The following ZNHIT3 variants were observed in gnomAD, a reference collection of about 807,000 sequenced individuals.
The protein encoded by ZNHIT3 is zinc finger HIT domain-containing protein 3.
Under a neutral mutation model 19.9 loss-of-function variants are expected in ZNHIT3, and 27 were observed. The ratio of observed to expected loss-of-function variants is 1.36; its 90% CI spans 1.00 to 1.87. The LOEUF is 1.87. Among genes scored for constraint, ZNHIT3 ranks in the 40% most tolerant of loss-of-function variants. ZNHIT3 has a pLI of 0.00. For missense variants in ZNHIT3, 215 were observed against 185.6 expected (o/e 1.16, Z -0.92); for synonymous variants, 81 against 65.7 (o/e 1.23, Z -1.13).
At chr17:36,496,270 G>A (rs769392431), downstream of ZNHIT3, 2 of 1,613,908 alleles carry the variant, frequency 1.2e-6, no homozygotes, top group African/African-American at 1.3e-5. Flanking sequence ...CCCAGTGAAG[G>A]CAGAAGAGGT....
chr17:36,498,634 C>A, downstream of ZNHIT3: 1 of 1,449,386 alleles, frequency 6.9e-7, no homozygotes, highest in Non-Finnish European at 9.2e-7. Context: ...TCAAAACTAT[C>A]TTTAACAAAT....
downstream of ZNHIT3, chr17:36,496,425 T>G: frequency 5.6e-6 from 9 of 1,613,320 alleles, no homozygotes; most frequent in South Asian, 2.2e-5. Context: ...GAGAGAGAGA[T>G]GCAGCTTTAG....
Position 36,495,621 on chromosome 17 carries a change from T to G in ZNHIT3, c.*217T>G. On this transcript the variant is annotated 3_prime_UTR_variant, in exon 5 of 5. Coordinates refer to ENST00000617429, the MANE Select transcript of ZNHIT3 (RefSeq NM_004773.4). ...GGCAAGTCCTTTATGGAGAGAAAACTTGACATTCAGATGATTGTTTTTAAA... is the reference window on the plus strand; with the variant it reads ...GGCAAGTCCTTTATGGAGAGAAAACGTGACATTCAGATGATTGTTTTTAAA... The G allele has an allele frequency of 7.8e-7, 1 of 1,290,160 alleles. No individual in the cohort carries two copies. Among genetic ancestry groups the G allele is most frequent in the Non-Finnish European group, 9.8e-7 (1 of 1,022,144 alleles). 79.9% of individuals were successfully genotyped at this position (1,290,160 alleles called of 1,614,324 possible).
At chr17:36,499,271 T>G (rs1449899925), downstream of ZNHIT3, 2 of 730,414 alleles carry the variant, frequency 2.7e-6, no homozygotes, top group Non-Finnish European at 4.5e-6. Context: ...AATACGTTTT[T>G]TTTTTTTCAA....
intron 3 of ZNHIT3, 37 bp from the exon 4 acceptor site, chr17:36,493,889 T>C: frequency 1.3e-6 from 2 of 1,504,610 alleles, no homozygotes; most frequent in Non-Finnish European, 1.8e-6. Context: ...AGGCCTCCTT[T>C]TTAGCCATGA....
downstream of ZNHIT3, chr17:36,498,288 G>GT (rs773488388): frequency 2.5e-6 from 4 of 1,612,726 alleles, no homozygotes; most frequent in South Asian, 3.3e-5. Context: ...TCGGATGGAC[G>GT]TGACACCAGC....
intron 2 of ZNHIT3, chr17:36,490,648 T>G (rs977762515): frequency 6.6e-6 from 1 of 152,204 alleles, no homozygotes; most frequent in Non-Finnish European, 1.5e-5. Flanking sequence ...TGATAGGGAT[T>G]GCATTGACTC....
chr17:36,495,763 A>G lies in ZNHIT3; in HGVS notation c.*359A>G. On this transcript the variant is annotated 3_prime_UTR_variant, in exon 5 of 5. Coordinates refer to ENST00000617429, the MANE Select transcript of ZNHIT3 (RefSeq NM_004773.4). ...AAAACGTGATTCTACTGTACATTGCATTATTCATAATTTAATTGTTTGAAA... is the reference window on the plus strand; with the variant it reads ...AAAACGTGATTCTACTGTACATTGCGTTATTCATAATTTAATTGTTTGAAA... 7 of 1,242,198 alleles carry G rather than the reference A, an allele frequency of 5.6e-6. No individual in the cohort carries two copies. Among genetic ancestry groups the G allele is most frequent in the Non-Finnish European group, 6.0e-6 (6 of 993,852 alleles). 76.9% of individuals were successfully genotyped at this position (1,242,198 alleles called of 1,614,324 possible).
chr17:36,499,269 T>A (rs959925247), downstream of ZNHIT3: 1 of 741,726 alleles, frequency 1.3e-6, no homozygotes, highest in African/African-American at 1.8e-5. Context: ...CAAATACGTT[T>A]TTTTTTTTTC....
chr17:36,496,399 A>G (rs1469684451), downstream of ZNHIT3: 3 of 1,613,952 alleles, frequency 1.9e-6, no homozygotes, highest in East Asian at 4.5e-5. Context: ...GTGAAACTTT[A>G]TCGATCCCTA....
intron 2 of ZNHIT3, 121 bp downstream of exon 2, chr17:36,487,087 G>A (rs1249899902): frequency 7.3e-7 from 1 of 1,363,676 alleles, no homozygotes; most frequent in Non-Finnish European, 9.9e-7. Context: ...GGTCTCCGCG[G>A]GTTCTGCAGG....
At chr17:36,496,135 G>T, downstream of ZNHIT3, 1 of 1,392,256 alleles carries the variant, frequency 7.2e-7, no homozygotes, top group Non-Finnish European at 1.0e-6. Flanking sequence ...AGCCGTCACT[G>T]TTGTTCATGT....
chr17:36,497,321 A>G (rs1458218483), downstream of ZNHIT3, among the ~76,000 whole-genome samples: 1 of 106,332 alleles, frequency 9.4e-6, no homozygotes, highest in Non-Finnish European at 1.9e-5. Context: ...AAATAACATG[A>G]AAAAAAAAAA....
Position 36,495,764 on chromosome 17 carries a change from T to G in ZNHIT3, c.*360T>G. 1 of 1,241,724 alleles carries G rather than the reference T, an allele frequency of 8.1e-7. No homozygotes were observed. Among genetic ancestry groups the G allele is most frequent in the Non-Finnish European group, 1.0e-6 (1 of 993,598 alleles). 76.9% of individuals were successfully genotyped at this position (1,241,724 alleles called of 1,614,324 possible). On this transcript the variant is annotated 3_prime_UTR_variant, in exon 5 of 5. Transcript: ENST00000617429. ...AAACGTGATTCTACTGTACATTGCA[T>G]TATTCATAATTTAATTGTTTGAAAT...
intron 4 of ZNHIT3, among the ~76,000 whole-genome samples, chr17:36,494,613 T>G (rs1174880011): frequency 1.3e-5 from 2 of 152,212 alleles, no homozygotes; most frequent in Admixed American, 1.3e-4. Flanking sequence ...AAGGTTATGT[T>G]TTGCACTTAG....
intron 2 of ZNHIT3, chr17:36,491,414 C>T (rs1330395098): frequency 6.6e-6 from 1 of 152,188 alleles, no homozygotes; most frequent in African/African-American, 2.4e-5. Context: ...TCATTGCACC[C>T]TTGGCCTCCT....
downstream of ZNHIT3, chr17:36,497,466 C>T (rs954847429): frequency 1.1e-6 from 1 of 898,570 alleles, no homozygotes; most frequent in Non-Finnish European, 1.3e-6. Flanking sequence ...CTCCTCACAA[C>T]CCAAGTTGTG....
At chr17:36,493,132 A>C in intron 3 of ZNHIT3, 2 of 574,216 alleles carry the variant, frequency 3.5e-6, no homozygotes, top group Non-Finnish European at 3.1e-6. Context: ...AGAGATGAGA[A>C]AGGCCATGGC....
chr17:36,495,535 T>C lies in ZNHIT3; in HGVS notation c.*131T>C, dbSNP rs2070894647. ...GGTTTCCAGGATGCAGATTAGGTCA[T>C]GCAGGCCTTTACCGGCATTGATGTG... is the stretch of plus-strand genomic sequence containing the variant. On this transcript the variant is annotated 3_prime_UTR_variant, in exon 5 of 5. Transcript: ENST00000617429. 1.5e-6 allele frequency: 2 copies of C among 1,362,904 alleles called. No homozygotes were observed. Among genetic ancestry groups the C allele is most frequent in the Non-Finnish European group, 1.9e-6 (2 of 1,061,452 alleles). The allele number at this position is 1,362,904 out of a possible 1,614,324, so 84.4% of individuals were successfully genotyped here. A position where few individuals can be genotyped will look rare whatever the true frequency, so the allele number is the denominator to read the frequency against.
Sources: allele counts gnomAD v4.1 joint callset (sites outside exome capture counted in the v4.1 genomes callset), GRCh38; gene constraint gnomAD v4.1.1; transcripts MANE v1.5; gene names NCBI Gene and HGNC (gene_info 2026-07-23, HGNC 2026-07-21).